CADPS: variants seen among roughly 807,000 people sequenced by gnomAD.
CADPS encodes calcium-dependent secretion activator 1.
Under a neutral mutation model 167.3 loss-of-function variants are expected in CADPS, and 57 were observed. The ratio of observed to expected loss-of-function variants is 0.34; its 90% CI spans 0.28 to 0.42. CADPS has a LOEUF of 0.42. Ranked by LOEUF, CADPS falls within the 20% of genes least tolerant of loss-of-function variation. CADPS has a pLI of 1.00. For synonymous variants in CADPS, 676 were observed against 635.3 expected (o/e 1.06, Z -0.96); for missense variants, 1,414 against 1,738.1 (o/e 0.81, Z 3.32).
chr3:62,780,096 C>T (rs903120084), intron 1 of CADPS, among the ~76,000 whole-genome samples: 2 of 152,028 alleles, frequency 1.3e-5, no homozygotes, highest in African/African-American at 4.8e-5. Context: ...TGGTCTCAAA[C>T]TCCTGGGCTC....
At chr3:62,749,650 A>C (rs1020195334) in intron 3 of CADPS, among the ~76,000 whole-genome samples, 8 of 152,222 alleles carry the variant, frequency 5.3e-5, no homozygotes, top group African/African-American at 1.9e-4. Flanking sequence ...GAAAGTGAGT[A>C]AATGTATAAT....
At chr3:62,534,166 A>G (rs1302831505) in intron 12 of CADPS, among the ~76,000 whole-genome samples, 2 of 152,224 alleles carry the variant, frequency 1.3e-5, no homozygotes, top group African/African-American at 4.8e-5. Context: ...AATTTAGGTG[A>G]TACTTTCTAA....
At chr3:62,687,791 T>C (rs1563854956) in intron 3 of CADPS, among the ~76,000 whole-genome samples, 1 of 149,434 alleles carries the variant, frequency 6.7e-6, no homozygotes. Flanking sequence ...TAAAAAGCTC[T>C]TATTATGCAG....
At position 62,399,596 on chromosome 3, in the gene CADPS, A is replaced by G. The variant is rs779306872; in HGVS notation, c.3883-11T>C. The G allele has an allele frequency of 3.1e-6, 5 of 1,611,228 alleles. No individual in the cohort carries two copies. In the African/African-American group the frequency reaches 4.0e-5, roughly 13 times the overall value. ...ATCTCTGTAGGTTTTCTAAGGAAGG[A>G]AAAGATACAGTGATAAGAGAGATCT... On this transcript the variant is annotated splice_polypyrimidine_tract_variant and intron_variant, in intron 29 of 29. Transcript: ENST00000383710. This position sits in a 1 kb window ranked among gnomAD's most constrained non-coding sequence, Gnocchi z 5.6.
intron 13 of CADPS, among the ~76,000 whole-genome samples, chr3:62,531,555 T>G (rs887958204): frequency 6.6e-6 from 1 of 152,216 alleles, no homozygotes; most frequent in Non-Finnish European, 1.5e-5. Flanking sequence ...AGATTTTAGT[T>G]GTATAGCTTG....
At chr3:62,557,898 C>T (rs1021853830) in intron 9 of CADPS, among the ~76,000 whole-genome samples, 5 of 152,166 alleles carry the variant, frequency 3.3e-5, no homozygotes, top group Non-Finnish European at 5.9e-5. Context: ...AGTGGTTAAA[C>T]GACAGCAATT....
intron 3 of CADPS, among the ~76,000 whole-genome samples, chr3:62,716,989 A>G (rs1164483280): frequency 6.6e-6 from 1 of 152,040 alleles, no homozygotes; most frequent in African/African-American, 2.4e-5. Flanking sequence ...CCACCCTTTT[A>G]ATTTTTGGTT....
intron 9 of CADPS, among the ~76,000 whole-genome samples, chr3:62,558,502 A>G (rs548658228): frequency 1.3e-5 from 2 of 152,370 alleles, no homozygotes; most frequent in African/African-American, 4.8e-5. Flanking sequence ...GGAGTGCCAC[A>G]TCCCTCATCC....
chr3:62,770,710 G>C (rs2152537790), intron 1 of CADPS, among the ~76,000 whole-genome samples: 1 of 152,330 alleles, frequency 6.6e-6, no homozygotes, highest in Non-Finnish European at 1.5e-5. Flanking sequence ...ATAAGCGTGA[G>C]CCGTCATGCC....
At chr3:62,869,443 T>C (rs1366957355) in intron 1 of CADPS, among the ~76,000 whole-genome samples, 1 of 152,148 alleles carries the variant, frequency 6.6e-6, no homozygotes, top group Non-Finnish European at 1.5e-5. Flanking sequence ...ACATTTCTGC[T>C]ACCTAGTGTT....
In CADPS at chr3:62,874,491, T is replaced by G; in HGVS notation, c.441+98A>C. ...CCCAGGGCGCGGTCTCCACCTCTCC[T>G]GCTCCTCCTCGCCAGCTGCGCCGCC... On this transcript the variant is annotated intron_variant, in intron 1 of 29. Coordinates refer to ENST00000383710, the MANE Select transcript of CADPS (RefSeq NM_003716.4). This position sits in a 1 kb window ranked among gnomAD's most constrained non-coding sequence, Gnocchi z 7.1. The G allele has an allele frequency of 1.1e-6, 1 of 951,754 alleles. No homozygotes were observed. Among genetic ancestry groups the G allele is most frequent in the South Asian group, 1.6e-5 (1 of 63,450 alleles). 59.0% of individuals were successfully genotyped at this position (951,754 alleles called of 1,614,324 possible).
chr3:62,698,656 C>T (rs2080808387), intron 3 of CADPS, among the ~76,000 whole-genome samples: 2 of 148,800 alleles, frequency 1.3e-5, no homozygotes, highest in South Asian at 4.3e-4. Context: ...TCTTCTCTTT[C>T]TTATTCTTTT....
intron 3 of CADPS, among the ~76,000 whole-genome samples, chr3:62,740,723 C>A (rs1564531233): frequency 6.6e-6 from 1 of 152,162 alleles, no homozygotes; most frequent in Non-Finnish European, 1.5e-5. Flanking sequence ...ATCACCATGC[C>A]ACTAACTACC....
intron 3 of CADPS, among the ~76,000 whole-genome samples, chr3:62,750,966 G>C (rs1171190215): frequency 6.6e-6 from 1 of 152,080 alleles, no homozygotes; most frequent in Admixed American, 6.6e-5. Flanking sequence ...AACATCTTTG[G>C]ACTTAACACT....
chr3:62,550,255 T>C lies in CADPS; in HGVS notation c.1754-140A>G, dbSNP rs367749368. On this transcript the variant is annotated intron_variant, in intron 10 of 29. Transcript: ENST00000383710. The stretch of plus-strand genomic sequence containing the variant: ...AGTGATTAACTTAGGATGGGAAGTC[T>C]GAGATTCACTTGTCCACAGAGTGGG... The C allele has an allele frequency of 1.9e-4, 121 of 638,046 alleles. 1 individual carries two copies. Among genetic ancestry groups the C allele is most frequent in the South Asian group, 3.5e-4 (19 of 53,596 alleles). 39.5% of individuals were successfully genotyped at this position (638,046 alleles called of 1,614,324 possible).
chr3:62,403,259 G>T, intron 28 of CADPS, 74 bp from the exon 29 acceptor site: 1 of 951,716 alleles, frequency 1.1e-6, no homozygotes, highest in Non-Finnish European at 1.7e-6. Context: ...AGCAGGCAAT[G>T]TTTGAGTACC....
At chr3:62,776,479 C>A (rs1027802992) in intron 1 of CADPS, among the ~76,000 whole-genome samples, 2 of 152,096 alleles carry the variant, frequency 1.3e-5, no homozygotes, top group Admixed American at 6.5e-5. Flanking sequence ...ACGGTGAAAC[C>A]CCGTCTCTAC....
intron 11 of CADPS, among the ~76,000 whole-genome samples, chr3:62,542,569 T>C (rs2075860638): frequency 6.6e-6 from 1 of 152,148 alleles, no homozygotes; most frequent in Admixed American, 6.6e-5. Flanking sequence ...GGTCCTCACA[T>C]GCCTGCTGCC....
intron 28 of CADPS, among the ~76,000 whole-genome samples, chr3:62,432,252 T>C (rs2054137713): frequency 6.6e-6 from 1 of 152,186 alleles, no homozygotes; most frequent in Non-Finnish European, 1.5e-5. Context: ...CATTTAGTCC[T>C]CACGAAAACT....
Sources: gnomAD v4.1 joint callset for allele counts (sites outside exome capture counted in the v4.1 genomes callset) on GRCh38, gnomAD v4.1.1 for gene constraint, Gnocchi (gnomAD v3.1) non-coding constraint, MANE v1.5 for transcripts, NCBI Gene and HGNC (gene_info 2026-07-23, HGNC 2026-07-21) for gene names.